Variants in NR4A1 observed in about 807,000 individuals in gnomAD.
NR4A1 encodes nuclear receptor subfamily 4immunitygroup A member 1.
A neutral mutation model predicts 47.5 loss-of-function variants in NR4A1; 24 were observed. The observed-to-expected ratio is 0.50, with a 90% CI of 0.37 to 0.71. The LOEUF (loss-of-function observed/expected upper bound fraction) is 0.71. Among genes scored for constraint, NR4A1 ranks in the 30% least tolerant of loss-of-function variants. The probability of loss-of-function intolerance (pLI) is 0.00; values close to 1 mark genes in which losing one functional copy is unlikely to be tolerated. For missense variants in NR4A1, 669 were observed against 788.6 expected (o/e 0.85, Z 1.82); for synonymous variants, 353 against 345.7 (o/e 1.02, Z -0.24).
At chr12:52,042,389 G>C (rs1169538662) in intron 2 of NR4A1, among the ~76,000 whole-genome samples, 1 of 152,030 alleles carries the variant, frequency 6.6e-6, no homozygotes, top group African/African-American at 2.4e-5. Flanking sequence ...CCCCTTCCTC[G>C]TGGAAAGCAT....
At chr12:52,043,834 C>G in intron 2 of NR4A1, 2 of 1,288,918 alleles carry the variant, frequency 1.6e-6, no homozygotes, top group Non-Finnish European at 2.0e-6. Context: ...GAGCCCCCAA[C>G]CAATCTTGGG....
At chr12:52,046,256 T>C (rs567805704) in intron 2 of NR4A1, among the ~76,000 whole-genome samples, 17 of 152,278 alleles carry the variant, frequency 1.1e-4, no homozygotes, top group Admixed American at 9.8e-4. Flanking sequence ...GGAATGGTGG[T>C]GGACATTGGC....
intron 1 of NR4A1, chr12:52,037,322 C>T (rs1265828040): frequency 3.2e-5 from 31 of 974,900 alleles, no homozygotes; most frequent in Non-Finnish European, 3.7e-5. Context: ...GGTCCCCTCG[C>T]GGCGCCCGGG....
intron 1 of NR4A1, among the ~76,000 whole-genome samples, chr12:52,034,763 C>T (rs1170187997): frequency 1.3e-5 from 2 of 152,204 alleles, no homozygotes; most frequent in African/African-American, 2.4e-5. Flanking sequence ...GCAGCCCCCA[C>T]GGCCCCCAGT....
At chr12:52,031,841 G>A (rs1014570891) in intron 1 of NR4A1, among the ~76,000 whole-genome samples, 9 of 144,184 alleles carry the variant, frequency 6.2e-5, no homozygotes, top group Non-Finnish European at 4.5e-5. Context: ...GCGCAGTGAC[G>A]CAATCTCAGC....
intron 2 of NR4A1, among the ~76,000 whole-genome samples, chr12:52,044,488 C>T (rs1391854647): frequency 6.6e-6 from 1 of 152,158 alleles, no homozygotes; most frequent in Non-Finnish European, 1.5e-5. Flanking sequence ...GACTCTGGCC[C>T]GGCATGGAAC....
chr12:52,046,706 G>T (rs547041958), upstream of NR4A1, among the ~76,000 whole-genome samples: 2 of 152,162 alleles, frequency 1.3e-5, no homozygotes, highest in Non-Finnish European at 2.9e-5. Flanking sequence ...AATTTGGGCC[G>T]GGCACGGTGA....
At position 52,059,453 on chromosome 12, in the gene NR4A1, T is replaced by C. The variant is rs1271738754; in HGVS notation, c.*509T>C. 1.3e-5 allele frequency: 2 copies of C among 152,626 alleles called. No homozygotes were observed. The highest frequency in any genetic ancestry group is 4.8e-5 in the African/African-American group (2 of 41,442). The allele number at this position is 152,626 out of a possible 1,614,324, so 9.5% of individuals were successfully genotyped here. A position where few individuals can be genotyped will look rare whatever the true frequency, so the allele number is the denominator to read the frequency against. Reference sequence around the variant, plus strand: ...TCCTGGATTTATAGTATGTGACTTTTCTGATTAATATATTTAATATATTGA... The same window carrying C: ...TCCTGGATTTATAGTATGTGACTTTCCTGATTAATATATTTAATATATTGA... On this transcript the variant is annotated 3_prime_UTR_variant, in exon 7 of 7. Coordinates refer to ENST00000394825, the MANE Select transcript of NR4A1 (RefSeq NM_173157.3).
At chr12:52,024,469 G>A (rs770889006) in intron 1 of NR4A1, among the ~76,000 whole-genome samples, 17 of 152,200 alleles carry the variant, frequency 1.1e-4, no homozygotes, top group Non-Finnish European at 2.5e-4. Context: ...GGCCAAGGCC[G>A]GAGGATCTCT....
chr12:52,031,778 A>AT (rs61279135), intron 1 of NR4A1, among the ~76,000 whole-genome samples: 38,111 of 125,782 alleles, frequency 0.3, 6,901 homozygotes, highest in Non-Finnish European at 0.38. Flanking sequence ...GTGATGGTTA[A>AT]TTTTTTTTTT....
At position 52,059,016 on chromosome 12, in the gene NR4A1, C is replaced by G. The variant is rs1939425705; in HGVS notation, c.*72C>G. The G allele has an allele frequency of 6.6e-7, 1 of 1,517,158 alleles. No homozygotes were observed. 94.0% of individuals were successfully genotyped at this position (1,517,158 alleles called of 1,614,324 possible). A position where few individuals can be genotyped will look rare whatever the true frequency, so the allele number is the denominator to read the frequency against. ...CCCATGTGCCTTTAGTCCACGGACC[C>G]CCAGAGCACCCCCAAGCCTGGGCTT... On this transcript the variant is annotated 3_prime_UTR_variant, in exon 7 of 7. Coordinates refer to ENST00000394825, the MANE Select transcript of NR4A1 (RefSeq NM_173157.3).
chr12:52,053,264 G>C (rs920557148), intron 1 of NR4A1, among the ~76,000 whole-genome samples: 1 of 152,056 alleles, frequency 6.6e-6, no homozygotes, highest in Admixed American at 6.5e-5. Context: ...CTCTCTTCAG[G>C]CTCCTCGGGA....
intron 1 of NR4A1, among the ~76,000 whole-genome samples, chr12:52,053,088 T>A (rs1939068373): frequency 6.6e-6 from 1 of 152,188 alleles, no homozygotes; most frequent in African/African-American, 2.4e-5. Context: ...ACTCTGTTCC[T>A]GCTTGATTTC....
chr12:52,041,083 G>T (rs191025292), intron 1 of NR4A1, among the ~76,000 whole-genome samples: 2 of 152,296 alleles, frequency 1.3e-5, no homozygotes, highest in African/African-American at 4.8e-5. Flanking sequence ...GGAACCAGGG[G>T]TTGGGGCTAG....
chr12:52,043,745 G>A, intron 2 of NR4A1: 1 of 1,284,110 alleles, frequency 7.8e-7, no homozygotes, highest in Non-Finnish European at 1.0e-6. Flanking sequence ...TCGCTCAGCT[G>A]CTGCCCAGCC....
intron 1 of NR4A1, chr12:52,053,985 A>T: frequency 4.2e-6 from 1 of 240,830 alleles, no homozygotes; most frequent in East Asian, 8.5e-5. Context: ...CCCATGGGGG[A>T]GGGGCAGGGG....
At chr12:52,029,400 C>T (rs1454659544) in intron 1 of NR4A1, among the ~76,000 whole-genome samples, 1 of 152,158 alleles carries the variant, frequency 6.6e-6, no homozygotes, top group Non-Finnish European at 1.5e-5. Context: ...CTAATGTACT[C>T]CAGAGACGGC....
intron 1 of NR4A1, among the ~76,000 whole-genome samples, chr12:52,032,799 C>G (rs1191253803): frequency 6.6e-6 from 1 of 152,112 alleles, no homozygotes; most frequent in Non-Finnish European, 1.5e-5. Context: ...CGAGGTGTAT[C>G]TGGAAAGACA....
At chr12:52,034,971 T>A (rs74868498) in intron 1 of NR4A1, among the ~76,000 whole-genome samples, 1 of 152,132 alleles carries the variant, frequency 6.6e-6, no homozygotes, top group Non-Finnish European at 1.5e-5. Context: ...AGGTTTCTTA[T>A]CATCTTTGTG....
Sources: gnomAD v4.1 joint callset for allele counts (sites outside exome capture counted in the v4.1 genomes callset) on GRCh38, gnomAD v4.1.1 for gene constraint, MANE v1.5 for transcripts, NCBI Gene and HGNC (gene_info 2026-07-23, HGNC 2026-07-21) for gene names.